P2RY8: variants seen among roughly 807,000 people sequenced by gnomAD.
P2RY8 encodes P2Y receptor family member 8, also known as S-geranylgeranyl-glutathione receptor P2RY8.
A neutral mutation model predicts 10.0 loss-of-function variants in P2RY8; 6 were observed. That is an observed-to-expected ratio of 0.60 (90% CI 0.33 to 1.19). The LOEUF (loss-of-function observed/expected upper bound fraction) is 1.19. Among genes scored for constraint, P2RY8 ranks in the 50% most tolerant of loss-of-function variants. The probability of loss-of-function intolerance (pLI) is 0.04; values close to 1 mark genes in which losing one functional copy is unlikely to be tolerated. For missense variants in P2RY8, 456 were observed against 542.0 expected (o/e 0.84, Z 1.58); for synonymous variants, 276 against 252.5 (o/e 1.09, Z -0.88).
intron 1 of P2RY8, among the ~76,000 whole-genome samples, chrX:1,477,563 TTATC>T (rs1314601614): frequency 1.3e-5 from 2 of 152,226 alleles, no homozygotes; most frequent in African/African-American, 2.4e-5. Flanking sequence ...TATCAATTAT[TTATC>T]TATGCATCAA....
In P2RY8 at chrX:1,496,003, C is replaced by G. The variant is rs150775286; in HGVS notation, c.-24-29421G>C. 6.6e-3 allele frequency among the ~76,000 whole-genome samples: 999 copies of G among 152,118 alleles called. 3 individuals carry two copies. Among genetic ancestry groups the G allele is most frequent in the Middle Eastern group, 0.01 (3 of 292 alleles). ...GGCCTCAGGAGGAACCAGCCCTGCCCACACCTGGATCTCAGACCTCCAGCC... is the reference window on the plus strand; with the variant it reads ...GGCCTCAGGAGGAACCAGCCCTGCCGACACCTGGATCTCAGACCTCCAGCC... On this transcript the variant is annotated intron_variant, in intron 1 of 1. Coordinates refer to ENST00000381297, the MANE Select transcript of P2RY8 (RefSeq NM_178129.5).
At chrX:1,498,718 A>G (rs1162063596) in intron 1 of P2RY8, among the ~76,000 whole-genome samples, 1 of 151,158 alleles carries the variant, frequency 6.6e-6, no homozygotes, top group Non-Finnish European at 1.5e-5. Context: ...CGGTTTCACC[A>G]TGTTGCACAG....
intron 1 of P2RY8, among the ~76,000 whole-genome samples, chrX:1,535,714 C>CTT (rs1556688259): frequency 1.4e-5 from 2 of 145,466 alleles, no homozygotes; most frequent in Non-Finnish European, 3.0e-5. Context: ...CACACACACA[C>CTT]AGACACACAC....
At chrX:1,529,155 G>C (rs1198526342) in intron 1 of P2RY8, among the ~76,000 whole-genome samples, 2 of 152,154 alleles carry the variant, frequency 1.3e-5, no homozygotes, top group Non-Finnish European at 2.9e-5. Flanking sequence ...CATTTCCCCT[G>C]AGACCTGACC....
intron 1 of P2RY8, among the ~76,000 whole-genome samples, chrX:1,516,529 G>C (rs1189610975): frequency 6.6e-6 from 1 of 151,430 alleles, no homozygotes; most frequent in African/African-American, 2.4e-5. Flanking sequence ...CATAAGAAGA[G>C]GAGATGAGGA....
intron 1 of P2RY8, among the ~76,000 whole-genome samples, chrX:1,503,693 G>A (rs1165674479): frequency 2.6e-5 from 4 of 151,880 alleles, no homozygotes; most frequent in African/African-American, 7.3e-5. Flanking sequence ...TCAGGAGTTC[G>A]AGAACAGCCT....
At chrX:1,498,164 T>A (rs1437762213) in intron 1 of P2RY8, among the ~76,000 whole-genome samples, 1 of 151,854 alleles carries the variant, frequency 6.6e-6, no homozygotes, top group Admixed American at 6.6e-5. Flanking sequence ...CCCAGCACTT[T>A]GGGAGGCCGA....
intron 1 of P2RY8, among the ~76,000 whole-genome samples, chrX:1,510,859 A>G (rs1202770914): frequency 6.6e-6 from 1 of 151,784 alleles, no homozygotes; most frequent in Non-Finnish European, 1.5e-5. Context: ...AGCCTGGGCA[A>G]CAGAGTGTGA....
intron 1 of P2RY8, among the ~76,000 whole-genome samples, chrX:1,521,674 G>C (rs186461569): frequency 6.6e-6 from 1 of 152,044 alleles, no homozygotes; most frequent in Non-Finnish European, 1.5e-5. Flanking sequence ...GCTTAGAAAC[G>C]GCAAAGGAAG....
intron 1 of P2RY8, among the ~76,000 whole-genome samples, chrX:1,494,762 A>C (rs2092100311): frequency 6.6e-6 from 1 of 152,072 alleles, no homozygotes; most frequent in Non-Finnish European, 1.5e-5. Flanking sequence ...CTGGAGTGCA[A>C]TGGCACCGTC....
intron 1 of P2RY8, among the ~76,000 whole-genome samples, chrX:1,488,592 G>A (rs1474171631): frequency 1.3e-5 from 2 of 152,144 alleles, no homozygotes; most frequent in East Asian, 1.9e-4. Flanking sequence ...TTGGAAGTCT[G>A]CATTTCATTC....
intron 1 of P2RY8, among the ~76,000 whole-genome samples, chrX:1,516,438 G>T (rs1477886036): frequency 4.6e-5 from 7 of 151,432 alleles, no homozygotes; most frequent in Non-Finnish European, 7.4e-5. Context: ...CCAGGACTGT[G>T]GGAGAATCAA....
At chrX:1,502,339 G>T (rs1248200678) in intron 1 of P2RY8, among the ~76,000 whole-genome samples, 4 of 152,172 alleles carry the variant, frequency 2.6e-5, no homozygotes, top group Non-Finnish European at 5.9e-5. Context: ...GGGGGGCAGG[G>T]GTGGGGGTGG....
At chrX:1,509,421 T>TTATC (rs760661469) in intron 1 of P2RY8, among the ~76,000 whole-genome samples, 17,665 of 143,152 alleles carry the variant, frequency 0.12, 1,233 homozygotes, top group South Asian at 0.23. Flanking sequence ...TCTATTTCTA[T>TTATC]TATCTATCTA....
At chrX:1,472,476 G>C (rs2091800775) in intron 1 of P2RY8, among the ~76,000 whole-genome samples, 1 of 127,792 alleles carries the variant, frequency 7.8e-6, no homozygotes, top group South Asian at 2.8e-4. Flanking sequence ...GCATGGGTGG[G>C]CAGATGGGTG....
At position 1,486,235 on chromosome X, in the gene P2RY8, G is replaced by T. The variant is rs767494446; in HGVS notation, c.-24-19653C>A. ...CTCTGTCTCAACAACAACAAAAAAT[G>T]GTTGCACCCATAAAAACTTGCATAT... is the stretch of plus-strand genomic sequence containing the variant. On this transcript the variant is annotated intron_variant, in intron 1 of 1. Coordinates refer to ENST00000381297, the MANE Select transcript of P2RY8 (RefSeq NM_178129.5). Among the ~76,000 whole-genome samples, 5 of 152,138 alleles carry T rather than the reference G, an allele frequency of 3.3e-5. No individual in the cohort carries two copies. The South Asian group carries it at 8.3e-4, about 25-fold the overall frequency.
At chrX:1,525,971 TCACC>T (rs1261331171) in intron 1 of P2RY8, among the ~76,000 whole-genome samples, 1 of 151,610 alleles carries the variant, frequency 6.6e-6, no homozygotes, top group African/African-American at 2.4e-5. Flanking sequence ...CACTATTCAC[TCACC>T]CATTCATTTA....
chrX:1,516,077 A>G (rs2092345905), intron 1 of P2RY8, among the ~76,000 whole-genome samples: 1 of 150,592 alleles, frequency 6.6e-6, no homozygotes, highest in African/African-American at 2.4e-5. Flanking sequence ...GGCACCTGTA[A>G]TCCCACCTAC....
intron 1 of P2RY8, among the ~76,000 whole-genome samples, chrX:1,508,746 CTATCTATT>C (rs2092259535): frequency 7.3e-6 from 1 of 137,128 alleles, no homozygotes; most frequent in Admixed American, 8.0e-5. Context: ...ATCTATCTAT[CTATCTATT>C]TCTATTATCT....
Sources: gnomAD v4.1 joint callset for allele counts (sites outside exome capture counted in the v4.1 genomes callset) on GRCh38, gnomAD v4.1.1 for gene constraint, MANE v1.5 for transcripts, NCBI Gene and HGNC (gene_info 2026-07-23, HGNC 2026-07-21) for gene names.